The following KIAA0825 variants were observed in gnomAD, a reference collection of about 807,000 sequenced individuals.
KIAA0825 encodes the protein KIAA0825, also known as uncharacterized protein KIAA0825.
A neutral mutation model predicts 147.6 loss-of-function variants in KIAA0825; 119 were observed. The observed-to-expected ratio is 0.81, with a 90% CI of 0.69 to 0.94. The LOEUF (loss-of-function observed/expected upper bound fraction) is 0.94. KIAA0825 is among the 40% of genes least tolerant of loss of function. The probability of loss-of-function intolerance (pLI) is 0.00; values close to 1 mark genes in which losing one functional copy is unlikely to be tolerated. For synonymous variants in KIAA0825, 470 were observed against 518.1 expected (o/e 0.91, Z 1.26); for missense variants, 1,381 against 1,472.7 (o/e 0.94, Z 1.02).
intron 20 of KIAA0825, among the ~76,000 whole-genome samples, chr5:94,312,142 C>T (rs1231665956): frequency 6.6e-6 from 1 of 151,540 alleles, no homozygotes; most frequent in Non-Finnish European, 1.5e-5. Flanking sequence ...TCAGTGTGGA[C>T]TTCTCAAGTT....
At chr5:94,443,830 C>T (rs968957112) in intron 13 of KIAA0825, among the ~76,000 whole-genome samples, 22 of 152,176 alleles carry the variant, frequency 1.4e-4, no homozygotes, top group African/African-American at 5.3e-4. Flanking sequence ...GAAGGCTCTG[C>T]AGTAGGGTTC....
At chr5:94,376,315 G>A (rs1193673300) in intron 20 of KIAA0825, among the ~76,000 whole-genome samples, 1 of 152,090 alleles carries the variant, frequency 6.6e-6, no homozygotes. Flanking sequence ...ACTTCATCTT[G>A]GGGCTCTTTT....
At chr5:94,522,091 T>G (rs1025190337) in intron 4 of KIAA0825, among the ~76,000 whole-genome samples, 1 of 151,812 alleles carries the variant, frequency 6.6e-6, no homozygotes, top group East Asian at 1.9e-4. Flanking sequence ...GGTTTATTCA[T>G]AATGATAACT....
intron 13 of KIAA0825, among the ~76,000 whole-genome samples, chr5:94,446,273 C>CA (rs1470508669): frequency 6.6e-6 from 1 of 151,984 alleles, no homozygotes. Context: ...TAACAGTAAG[C>CA]AAAAAGCAGA....
chr5:94,499,825 T>C (rs980241535), intron 5 of KIAA0825, among the ~76,000 whole-genome samples: 16 of 152,192 alleles, frequency 1.1e-4, no homozygotes, highest in African/African-American at 3.9e-4. Flanking sequence ...AAATAATTCT[T>C]GTCCTTAAGG....
chr5:94,348,936 G>A (rs566979050), intron 20 of KIAA0825, among the ~76,000 whole-genome samples: 2 of 152,130 alleles, frequency 1.3e-5, no homozygotes, highest in Non-Finnish European at 2.9e-5. Flanking sequence ...GAATGCAATG[G>A]TACCTCACAT....
intron 20 of KIAA0825, among the ~76,000 whole-genome samples, chr5:94,372,228 T>G (rs1239441764): frequency 1.3e-5 from 2 of 152,160 alleles, no homozygotes; most frequent in East Asian, 3.9e-4. Flanking sequence ...AGGTGTGTGG[T>G]GCAAGCTATC....
chr5:94,189,132 G>A (rs972761466), intron 20 of KIAA0825, among the ~76,000 whole-genome samples: 2 of 152,136 alleles, frequency 1.3e-5, no homozygotes, highest in Non-Finnish European at 2.9e-5. Context: ...TTTTCCCATT[G>A]AGTTGTAAGA....
intron 20 of KIAA0825, among the ~76,000 whole-genome samples, chr5:94,224,082 C>CTTTTTTTTTTTTTTTTTTTTTTTTT (rs869059424): frequency 1.9e-4 from 11 of 56,476 alleles, no homozygotes; most frequent in Non-Finnish European, 2.2e-4. Context: ...TTTTTCTTTT[C>CTTTTTTTTTTTTTTTTTTTTTTTTT]TTTTTTTTTT....
At chr5:94,386,691 A>G (rs1584338256) in intron 18 of KIAA0825, among the ~76,000 whole-genome samples, 3 of 152,324 alleles carry the variant, frequency 2.0e-5, no homozygotes, top group Admixed American at 2.0e-4. Context: ...CCTTTTTAAC[A>G]GGCATTGTCT....
chr5:94,606,295 A>G (rs1787479273), intron 1 of KIAA0825, among the ~76,000 whole-genome samples: 1 of 152,254 alleles, frequency 6.6e-6, no homozygotes, highest in African/African-American at 2.4e-5. Context: ...GCTCATGGAT[A>G]GAAAGAATCA....
At position 94,350,410 on chromosome 5, in the gene KIAA0825, A is replaced by G. The variant is rs558217591; in HGVS notation, c.3710+33958T>C. Among the ~76,000 whole-genome samples the G allele has an allele frequency of 1.8e-3, 280 of 152,290 alleles. 1 individual carries two copies. The highest frequency in any genetic ancestry group is 6.6e-3 in the African/African-American group (275 of 41,574). On this transcript the variant is annotated intron_variant, in intron 20 of 20. Transcript: ENST00000682413. ...ATTCCACAAGATAGGGGAAGAAGGA[A>G]CCCTCCCTGATTCATTCTATGAAGC...
intron 9 of KIAA0825, 24 bp downstream of exon 9, chr5:94,471,442 C>G: frequency 6.5e-7 from 1 of 1,546,030 alleles, no homozygotes; most frequent in Non-Finnish European, 8.7e-7. Flanking sequence ...GCGTGGCCAT[C>G]ATCTTAATTT....
At chr5:94,476,342 C>T (rs559092859) in intron 7 of KIAA0825, among the ~76,000 whole-genome samples, 7 of 152,166 alleles carry the variant, frequency 4.6e-5, no homozygotes, top group African/African-American at 1.4e-4. Flanking sequence ...AGCAGGAGGC[C>T]GCAACCACCC....
intron 20 of KIAA0825, among the ~76,000 whole-genome samples, chr5:94,347,289 C>T (rs1033516671): frequency 4.6e-5 from 7 of 152,212 alleles, no homozygotes; most frequent in African/African-American, 1.2e-4. Flanking sequence ...GGTTCCTCCC[C>T]GTAATACCAC....
chr5:94,343,290 G>C (rs538374971), intron 20 of KIAA0825, among the ~76,000 whole-genome samples: 1 of 151,846 alleles, frequency 6.6e-6, no homozygotes, highest in Non-Finnish European at 1.5e-5. Flanking sequence ...GTAGGGAAAG[G>C]TTTATTTAAA....
chr5:94,190,328 T>C (rs1035170760), intron 20 of KIAA0825, among the ~76,000 whole-genome samples: 1 of 152,060 alleles, frequency 6.6e-6, no homozygotes, highest in African/African-American at 2.4e-5. Flanking sequence ...TGTTTGTTTG[T>C]TTGTTTGTTT....
At chr5:94,527,533 A>AC (rs1232029286) in intron 3 of KIAA0825, among the ~76,000 whole-genome samples, 2 of 152,036 alleles carry the variant, frequency 1.3e-5, no homozygotes, top group African/African-American at 4.8e-5. Flanking sequence ...AAATCAGGAT[A>AC]GATGCCTCAT....
intron 20 of KIAA0825, among the ~76,000 whole-genome samples, chr5:94,301,289 G>C (rs1778388101): frequency 6.6e-6 from 1 of 151,918 alleles, no homozygotes; most frequent in African/African-American, 2.4e-5. Context: ...GTGTCACACA[G>C]ACATTTCATA....
Sources: gnomAD v4.1 joint callset for allele counts (sites outside exome capture counted in the v4.1 genomes callset) on GRCh38, gnomAD v4.1.1 for gene constraint, MANE v1.5 for transcripts, NCBI Gene and HGNC (gene_info 2026-07-23, HGNC 2026-07-21) for gene names.